FIRRM: variants seen among roughly 807,000 people sequenced by gnomAD.
FIRRM encodes the protein FIGNL1-interacting regulator of recombination and mitosis.
chr1:169,838,848 C>T, the FIRRM span, among the ~76,000 whole-genome samples: 15,978 of 152,092 alleles, frequency 0.11, 1,015 homozygotes, highest in Admixed American at 0.18. Flanking sequence ...GGTTTTATTG[C>T]GTGATGCTGA....
the FIRRM span, among the ~76,000 whole-genome samples, chr1:169,798,085 A>G: frequency 3.9e-5 from 6 of 152,188 alleles, no homozygotes; most frequent in African/African-American, 1.2e-4. Flanking sequence ...TAAGTACAAT[A>G]GAAATGTTGA....
chr1:169,810,834 A>ATTTTTTTTTTTTT, the FIRRM span, among the ~76,000 whole-genome samples: 30 of 61,208 alleles, frequency 4.9e-4, 7 homozygotes, highest in African/African-American at 1.2e-3. Context: ...TTAGCCCCCA[A>ATTTTTTTTTTTTT]TTTTTTTTTT....
the FIRRM span, among the ~76,000 whole-genome samples, chr1:169,826,590 T>C: frequency 6.6e-6 from 1 of 151,984 alleles, no homozygotes; most frequent in South Asian, 2.1e-4. Context: ...CTTGAACTCC[T>C]GACCTCAGGT....
At chr1:169,823,692 T>TAATA in the FIRRM span, among the ~76,000 whole-genome samples, 10,064 of 152,186 alleles carry the variant, frequency 0.066, 420 homozygotes, top group Non-Finnish European at 0.099. Context: ...TATACAGGAG[T>TAATA]AATAATTAGT....
chr1:169,800,738 A>G, the FIRRM span: 1 of 324,568 alleles, frequency 3.1e-6, no homozygotes, highest in Non-Finnish European at 5.3e-6. Flanking sequence ...TTTGGCTACT[A>G]CTTAATAGTT....
the FIRRM span, chr1:169,842,495 A>G: frequency 1.9e-6 from 3 of 1,614,064 alleles, no homozygotes; most frequent in Non-Finnish European, 2.5e-6. Flanking sequence ...AACTGCAATT[A>G]TCGAAGTTGT....
chr1:169,830,896 T>G, the FIRRM span: 1 of 662,564 alleles, frequency 1.5e-6, no homozygotes, highest in Non-Finnish European at 2.6e-6. Flanking sequence ...ATGCTGATGC[T>G]TTTAAGAAGG....
chr1:169,810,639 T>C, the FIRRM span, among the ~76,000 whole-genome samples: 1 of 151,986 alleles, frequency 6.6e-6, no homozygotes, highest in Non-Finnish European at 1.5e-5. Context: ...TCAATAACCC[T>C]ATTTCCAAAT....
At chr1:169,801,842 G>T in the FIRRM span, among the ~76,000 whole-genome samples, 1 of 152,008 alleles carries the variant, frequency 6.6e-6, no homozygotes, top group Non-Finnish European at 1.5e-5. Context: ...GCTTTGAATC[G>T]TAATCTTTCA....
the FIRRM span, among the ~76,000 whole-genome samples, chr1:169,826,737 T>C: frequency 6.6e-6 from 1 of 152,258 alleles, no homozygotes; most frequent in Non-Finnish European, 1.5e-5. Context: ...TTACTTTTGA[T>C]TTAAGATTTA....
At chr1:169,808,043 T>C in the FIRRM span, 1 of 1,036,684 alleles carries the variant, frequency 9.6e-7, no homozygotes, top group Non-Finnish European at 1.4e-6. Context: ...ATTTATTTCA[T>C]TTGGGTGTTT....
the FIRRM span, among the ~76,000 whole-genome samples, chr1:169,812,920 T>C: frequency 4.6e-5 from 7 of 151,318 alleles, no homozygotes; most frequent in Non-Finnish European, 7.4e-5. Context: ...CTGAGGAAAA[T>C]GGACTATTTT....
chr1:169,816,746 A>G, the FIRRM span, among the ~76,000 whole-genome samples: 2 of 152,206 alleles, frequency 1.3e-5, no homozygotes, highest in African/African-American at 2.4e-5. Context: ...CAGGGACTGC[A>G]TAAACAAGGT....
chr1:169,792,905 C>A, the FIRRM span: 1 of 1,614,076 alleles, frequency 6.2e-7, no homozygotes, highest in Non-Finnish European at 8.5e-7. Flanking sequence ...AGAAAAAAAT[C>A]GGCATTTATA....
the FIRRM span, chr1:169,807,963 A>C: frequency 1.3e-6 from 2 of 1,580,576 alleles, no homozygotes; most frequent in African/African-American, 1.4e-5. Context: ...TTAAACAGCA[A>C]CTCTTATTTT....
chr1:169,830,383 G>C, the FIRRM span: 1 of 1,472,624 alleles, frequency 6.8e-7, no homozygotes, highest in African/African-American at 1.4e-5. Context: ...TTGGTTATTA[G>C]TAGTGACTGA....
chr1:169,853,905 A>ATTTT, the FIRRM span: 5 of 945,924 alleles, frequency 5.3e-6, no homozygotes, highest in Non-Finnish European at 8.0e-6. Context: ...TAAGTAAAAT[A>ATTTT]ACTTAGAGCT....
At chr1:169,853,488 G>T in the FIRRM span, 1 of 492,552 alleles carries the variant, frequency 2.0e-6, no homozygotes, top group South Asian at 3.6e-5. Flanking sequence ...ATGCACAAAG[G>T]CTCTTCCTCC....
the FIRRM span, chr1:169,852,711 T>TAAGC: frequency 6.9e-7 from 1 of 1,442,482 alleles, no homozygotes; most frequent in East Asian, 2.3e-5. Context: ...AATTTGCATG[T>TAAGC]AAGCTTTACT....
Sources: gnomAD v4.1 joint callset for allele counts (sites outside exome capture counted in the v4.1 genomes callset) on GRCh38, gnomAD v4.1.1 for gene constraint, MANE v1.5 for transcripts, NCBI Gene and HGNC (gene_info 2026-07-23, HGNC 2026-07-21) for gene names.